The following DNAH7 variants were observed in gnomAD, a reference collection of about 807,000 sequenced individuals.
DNAH7 encodes the protein axonemal beta dynein heavy chain 7.
In DNAH7, 397 loss-of-function variants were observed where a neutral mutation model predicts 444.6. The observed-to-expected ratio is 0.89, with a 90% CI of 0.82 to 0.97. DNAH7 has a LOEUF of 0.97. DNAH7 is among the 50% of genes least tolerant of loss of function. The probability of loss-of-function intolerance (pLI) is 0.00; values close to 1 mark genes in which losing one functional copy is unlikely to be tolerated. For missense variants in DNAH7, 4,902 were observed against 4,800.8 expected (o/e 1.02, Z -0.62); for synonymous variants, 1,636 against 1,624.4 (o/e 1.01, Z -0.17).
Position 195,888,899 on chromosome 2 carries a change from T to C in DNAH7, c.5129A>G (p.Asn1710Ser). The part of the protein sequence containing the change: ...IENMNTVLDD[N>S]KKLCLMSGEI... The stretch of plus-strand genomic sequence containing the variant: ...CCCACTCATCAGACATAGCTTCTTG[T>C]TGTCATCCAGCACAGTGTTCATATT... Residue 1710 changes from asparagine to serine, a missense_variant, in exon 32 of 65, where the codon AAC becomes AGC. Asn to Ser is a conservative substitution (Grantham distance 46). Transcript: ENST00000312428. 6.2e-7 allele frequency: 1 copy of C among 1,614,104 alleles called. No individual in the cohort carries two copies. The highest frequency in any genetic ancestry group is 8.5e-7 in the Non-Finnish European group (1 of 1,179,988).
rs1701058484 is a variant in DNAH7 at position 195,876,436 on chromosome 2, A to G, written c.6117+108T>C. ...GAACCTTTTAATCCAAATTTGTGAC[A>G]TTAAAAAACTATACAAAAAGATGTC... On this transcript the variant is annotated intron_variant, in intron 37 of 64. Coordinates refer to ENST00000312428, the MANE Select transcript of DNAH7 (RefSeq NM_018897.3). The G allele has an allele frequency of 2.6e-6, 3 of 1,135,056 alleles. No individual in the cohort carries two copies. The East Asian group carries it at 7.4e-5, about 28-fold the overall frequency. 70.3% of individuals were successfully genotyped at this position (1,135,056 alleles called of 1,614,324 possible).
At position 195,737,839 on chromosome 2, in the gene DNAH7, A is replaced by AAAC; in HGVS notation, c.*81_*82insGTT. ...AGTCAAATGTATTTAAACAAACAAAAAAAAAGGTTTAAGTAGTAAAATATG... is the reference window on the plus strand; with the variant it reads ...AGTCAAATGTATTTAAACAAACAAAAAACAAAAAGGTTTAAGTAGTAAAATATG... On this transcript the variant is annotated 3_prime_UTR_variant, in exon 65 of 65. Transcript: ENST00000312428. 7.7e-7 allele frequency: 1 copy of AAAC among 1,298,110 alleles called. No individual in the cohort carries two copies. Among genetic ancestry groups the AAAC allele is most frequent in the Non-Finnish European group, 1.1e-6 (1 of 942,082 alleles). The allele number at this position is 1,298,110 out of a possible 1,614,324, so 80.4% of individuals were successfully genotyped here.
intron 22 of DNAH7, among the ~76,000 whole-genome samples, chr2:195,925,526 A>C (rs1688276385): frequency 6.6e-6 from 1 of 152,084 alleles, no homozygotes; most frequent in Non-Finnish European, 1.5e-5. Context: ...ATGAAGAAAG[A>C]CCTTTTCCTG....
chr2:196,054,147 A>T (rs1417462082), intron 2 of DNAH7, among the ~76,000 whole-genome samples: 2 of 152,226 alleles, frequency 1.3e-5, no homozygotes, highest in African/African-American at 4.8e-5. Flanking sequence ...TTAAGACCAA[A>T]ATCGAAAAAG....
intron 17 of DNAH7, among the ~76,000 whole-genome samples, chr2:195,967,333 TTTA>T (rs982062220): frequency 1.4e-4 from 21 of 152,168 alleles, no homozygotes; most frequent in African/African-American, 4.6e-4. Flanking sequence ...AGTAGTTGCA[TTTA>T]TTATTTTTGA....
intron 44 of DNAH7, among the ~76,000 whole-genome samples, chr2:195,856,871 A>G (rs1699745055): frequency 6.6e-6 from 1 of 152,130 alleles, no homozygotes; most frequent in Admixed American, 6.5e-5. Flanking sequence ...ATTGCAACAG[A>G]ATGAATGAAG....
At chr2:195,902,561 T>C (rs1003691261) in intron 27 of DNAH7, 1 of 152,144 alleles carries the variant, frequency 6.6e-6, no homozygotes, top group African/African-American at 2.4e-5. Flanking sequence ...CCTACTAGTT[T>C]GAGGTCAACA....
At chr2:196,014,804 G>A (rs1694917084) in intron 9 of DNAH7, among the ~76,000 whole-genome samples, 1 of 151,696 alleles carries the variant, frequency 6.6e-6, no homozygotes, top group African/African-American at 2.4e-5. Flanking sequence ...TCCTTTTTTT[G>A]TAACTTTCAA....
chr2:196,016,234 T>C (rs1417715507), intron 9 of DNAH7, among the ~76,000 whole-genome samples: 2 of 151,938 alleles, frequency 1.3e-5, no homozygotes, highest in Non-Finnish European at 2.9e-5. Context: ...TGAAAGTGGA[T>C]ATAAAAAAAA....
rs80135935 is a variant in DNAH7, at chr2:195,802,488, G to A, written c.10177-3016C>T. Among the ~76,000 whole-genome samples the A allele has an allele frequency of 6.0e-4, 91 of 152,036 alleles. 2 individuals carry two copies. In the East Asian group the frequency reaches 0.014, roughly 24 times the overall value. The stretch of plus-strand genomic sequence containing the variant: ...GCACTCCAGCCTAGGCAACGAGAAC[G>A]AAACTCCATCTCAAAAAAATTTTTT... On this transcript the variant is annotated intron_variant, in intron 54 of 64. Transcript: ENST00000312428.
At chr2:195,755,661 A>G (rs989399965) in intron 62 of DNAH7, among the ~76,000 whole-genome samples, 1 of 152,248 alleles carries the variant, frequency 6.6e-6, no homozygotes. Context: ...TAATAGGTAG[A>G]GTTGTTAATA....
rs57935194 is a variant in DNAH7 at position 195,817,786 on chromosome 2, T to C, written c.9335A>G (p.Asp3112Gly). 1,177 of 1,612,756 alleles carry C rather than the reference T, an allele frequency of 7.3e-4. 2 individuals carry two copies. In the African/African-American group the frequency reaches 0.013, roughly 18 times the overall value. The change falls in exon 50 of 65, where the codon GAT becomes GGT. Residue 3112 changes from aspartate to glycine, a missense_variant. Coordinates refer to ENST00000312428, the MANE Select transcript of DNAH7 (RefSeq NM_018897.3). ...NFMITPEGMQ[D>G]QLLGIVVAQE... ...TGCCACCACAATTCCCAGAAGCTGATCTTGCATTCCCTCAGGGGTTATCAT... is the reference window on the plus strand; with the variant it reads ...TGCCACCACAATTCCCAGAAGCTGACCTTGCATTCCCTCAGGGGTTATCAT...
At chr2:195,809,672 C>A in intron 52 of DNAH7, 73 bp downstream of exon 52, 1 of 1,300,520 alleles carries the variant, frequency 7.7e-7, no homozygotes, top group Middle Eastern at 2.0e-4. Context: ...TATATATATT[C>A]CCATACAAAT....
intron 13 of DNAH7, 118 bp downstream of exon 13, chr2:195,987,839 A>G (rs1693025429): frequency 9.7e-7 from 1 of 1,028,522 alleles, no homozygotes; most frequent in African/African-American, 1.6e-5. Flanking sequence ...AGCTCAATAA[A>G]TATTTTTCCT....
chr2:195,756,767 G>C (rs1694093513), intron 61 of DNAH7, among the ~76,000 whole-genome samples: 1 of 152,166 alleles, frequency 6.6e-6, no homozygotes, highest in East Asian at 1.9e-4. Flanking sequence ...CGAGGCAGGT[G>C]AATCACTTGA....
At chr2:195,846,776 C>A (rs143975776) in intron 46 of DNAH7, among the ~76,000 whole-genome samples, 8 of 152,048 alleles carry the variant, frequency 5.3e-5, no homozygotes, top group African/African-American at 1.7e-4. Context: ...ACTGGCTTAG[C>A]CTTTCAGCCT....
chr2:195,752,077 C>T (rs1482653195), intron 63 of DNAH7, among the ~76,000 whole-genome samples: 1 of 151,918 alleles, frequency 6.6e-6, no homozygotes, highest in Non-Finnish European at 1.5e-5. Flanking sequence ...CTGAGACCAG[C>T]CTGGACAACA....
At position 195,864,350 on chromosome 2, in the gene DNAH7, A is replaced by T. The variant is rs1574602899; in HGVS notation, c.7305T>A (p.Asp2435Glu). Reference sequence around the variant, plus strand: ...GCTGGCGATCTAACTGACGCATCTTATCACATATCTCTTGCTTCTCATCTA... The same window carrying T: ...GCTGGCGATCTAACTGACGCATCTTTTCACATATCTCTTGCTTCTCATCTA... ...FALDEKQEIC[D>E]KMRQLDRQRD... is the part of the protein sequence containing the mutation. Residue 2435 changes from aspartate to glutamate, a missense_variant, in exon 41 of 65, where the codon GAT becomes GAA. Coordinates refer to ENST00000312428, the MANE Select transcript of DNAH7 (RefSeq NM_018897.3). 1 of 1,614,204 alleles carries T rather than the reference A, an allele frequency of 6.2e-7. No individual in the cohort carries two copies. Among genetic ancestry groups the T allele is most frequent in the Non-Finnish European group, 8.5e-7 (1 of 1,180,026 alleles).
intron 7 of DNAH7, among the ~76,000 whole-genome samples, chr2:196,025,385 C>T (rs879421654): frequency 6.6e-6 from 1 of 152,154 alleles, no homozygotes; most frequent in Non-Finnish European, 1.5e-5. Context: ...TACCCCCTTC[C>T]CTACAATCTT....
Sources: gnomAD v4.1 joint callset for allele counts (sites outside exome capture counted in the v4.1 genomes callset) on GRCh38, gnomAD v4.1.1 for gene constraint, MANE v1.5 for transcripts, NCBI Gene and HGNC (gene_info 2026-07-23, HGNC 2026-07-21) for gene names.